Variants in KIF13A observed in about 807,000 individuals in gnomAD.
KIF13A encodes the protein kinesin family member 13A.
A neutral mutation model predicts 212.2 loss-of-function variants in KIF13A; 79 were observed. That is an observed-to-expected ratio of 0.37 (90% CI 0.31 to 0.45). KIF13A has a LOEUF of 0.45. Among genes scored for constraint, KIF13A ranks in the 20% least tolerant of loss-of-function variants. The pLI, the probability that KIF13A is intolerant of heterozygous loss-of-function variation, is 1.00. For synonymous variants in KIF13A, 789 were observed against 808.6 expected (o/e 0.98, Z 0.41); for missense variants, 1,901 against 2,209.0 (o/e 0.86, Z 2.79).
intron 2 of KIF13A, among the ~76,000 whole-genome samples, chr6:17,907,762 G>C (rs1451029854): frequency 6.6e-6 from 1 of 152,180 alleles, no homozygotes; most frequent in Non-Finnish European, 1.5e-5. Flanking sequence ...TCAGGGAATA[G>C]CAGGTAGACA....
intron 2 of KIF13A, among the ~76,000 whole-genome samples, chr6:17,906,383 C>T (rs889198932): frequency 2.7e-5 from 4 of 150,862 alleles, no homozygotes; most frequent in African/African-American, 7.3e-5. Context: ...TCCCTCCCTC[C>T]CTGCCTTCCT....
At chr6:17,761,779 T>C (rs9350058), downstream of KIF13A, among the ~76,000 whole-genome samples, 149,798 of 152,296 alleles carry the variant, frequency 0.98, 73,724 homozygotes, top group Middle Eastern at 1. Flanking sequence ...GGGAGGAACG[T>C]ACTATTCTGG....
chr6:17,912,950 A>G lies in KIF13A; in HGVS notation c.147-14770T>C, dbSNP rs973748432. Among the ~76,000 whole-genome samples the G allele has an allele frequency of 6.6e-6, 1 of 151,568 alleles. No individual in the cohort carries two copies. Among genetic ancestry groups the G allele is most frequent in the Admixed American group, 6.6e-5 (1 of 15,210 alleles). On this transcript the variant is annotated intron_variant, in intron 2 of 38. Transcript: ENST00000259711. This position sits in a 1 kb window ranked among gnomAD's most constrained non-coding sequence, Gnocchi z 4.2. ...TTATATCTAATCTTTTTATTTTTCT[A>G]ATTATTTTTATTTTTTATACGAGAT...
At chr6:17,953,238 A>G (rs1778034677) in intron 2 of KIF13A, among the ~76,000 whole-genome samples, 7 of 152,212 alleles carry the variant, frequency 4.6e-5, no homozygotes. Flanking sequence ...AGAACAGTTC[A>G]TATAGATGAT....
Position 17,939,969 on chromosome 6 carries a change from G to A in KIF13A, c.147-41789C>T, listed in dbSNP as rs536376515. Among the ~76,000 whole-genome samples the A allele has an allele frequency of 4.6e-4, 69 of 150,594 alleles. 1 individual carries two copies. The East Asian group carries it at 0.012, about 27-fold the overall frequency. ...GCAGGAGAATGGCGTGAACCTGGGA[G>A]GCGGAGCTTGCAGTGAGCCGAGATC... On this transcript the variant is annotated intron_variant, in intron 2 of 38. Coordinates refer to ENST00000259711, the MANE Select transcript of KIF13A (RefSeq NM_022113.6).
At chr6:17,958,181 C>T (rs1175034265) in intron 2 of KIF13A, among the ~76,000 whole-genome samples, 1 of 152,180 alleles carries the variant, frequency 6.6e-6, no homozygotes, top group Admixed American at 6.5e-5. Context: ...GTTTTACTCA[C>T]CAGCCATTCT....
Position 17,850,436 on chromosome 6 carries a change from C to G in KIF13A, c.604G>C (p.Glu202Gln), listed in dbSNP as rs1767526508. 6.2e-7 allele frequency: 1 copy of G among 1,613,454 alleles called. No individual in the cohort carries two copies. The highest frequency in any genetic ancestry group is 8.5e-7 in the Non-Finnish European group (1 of 1,179,642). Reference sequence around the variant, plus strand: ...GCTACCGTTCGAGACTTATTTCCCTCAGACATCAATGACTCAATATCCTAG... The same window carrying G: ...GCTACCGTTCGAGACTTATTTCCCTGAGACATCAATGACTCAATATCCTAG... ...SFEDIESLMSEGNKSRTVAAT... is the reference protein window; with the variant it reads ...SFEDIESLMSQGNKSRTVAAT... The change falls in exon 8 of 39, where the codon GAG (glutamate) becomes CAG (glutamine). Residue 202 changes from glutamate (E) to glutamine (Q), a missense_variant. Physicochemically the swap from Glu to Gln is conservative, Grantham distance 29. Around this residue, in one of 5 missense-constraint regions of KIF13A, gnomAD observed 506 missense variants for 637.4 expected, o/e 0.79. Coordinates refer to ENST00000259711, the MANE Select transcript of KIF13A (RefSeq NM_022113.6). This position sits in a 1 kb window ranked among gnomAD's most constrained non-coding sequence, Gnocchi z 6.2.
At chr6:17,921,549 T>C (rs1775071370) in intron 2 of KIF13A, among the ~76,000 whole-genome samples, 1 of 152,274 alleles carries the variant, frequency 6.6e-6, no homozygotes, top group Non-Finnish European at 1.5e-5. Flanking sequence ...CTGAGCTTTT[T>C]ATTCGCACTT....
At chr6:17,808,708 T>C in intron 18 of KIF13A, 60 bp downstream of exon 18, 5 of 1,496,692 alleles carry the variant, frequency 3.3e-6, no homozygotes. Flanking sequence ...CAGTTTTAGA[T>C]CCTATTTTAC....
chr6:17,928,084 T>C (rs1262016372), intron 2 of KIF13A, among the ~76,000 whole-genome samples: 2 of 152,214 alleles, frequency 1.3e-5, no homozygotes, highest in African/African-American at 4.8e-5. Context: ...GAAGACCTCC[T>C]GCAGAAATTT....
At chr6:17,975,250 G>A (rs72839139) in intron 2 of KIF13A, among the ~76,000 whole-genome samples, 2,007 of 152,310 alleles carry the variant, frequency 0.013, 18 homozygotes, top group Non-Finnish European at 0.018. Context: ...CTACTCGGAA[G>A]GCTCAGGCAG....
chr6:17,881,566 G>A (rs886941285), intron 3 of KIF13A: 6 of 401,320 alleles, frequency 1.5e-5, no homozygotes, highest in Non-Finnish European at 2.9e-5. Context: ...GTGCGGCAGT[G>A]CACGCCTGTA....
rs1777501713 is a variant in KIF13A, at chr6:17,947,430, CTAATAAT to C, written c.146+39617_146+39623del. ...TTATTTTAGCAAAATTTGATAATAC[CTAATAAT>C]TAAGGCTAGCTACTTTTCCTTTCAG... On this transcript the variant is annotated intron_variant, in intron 2 of 38. Transcript: ENST00000259711. This position sits in a 1 kb window ranked among gnomAD's most constrained non-coding sequence, Gnocchi z 4.6. 6.6e-6 allele frequency among the ~76,000 whole-genome samples: 1 copy of C among 151,966 alleles called. No individual in the cohort carries two copies. The highest frequency in any genetic ancestry group is 6.6e-5 in the Admixed American group (1 of 15,250).
Position 17,837,490 on chromosome 6 carries a change from G to A in KIF13A, c.924C>T (p.Val308=). 1 of 1,605,724 alleles carries A rather than the reference G, an allele frequency of 6.2e-7. No homozygotes were observed. The highest frequency in any genetic ancestry group is 8.5e-7 in the Non-Finnish European group (1 of 1,175,664). ...GGATTACCTTAAGCAGCCAAGTGAGGACTGAATCTCGATAAGGCACAAATT... is the reference window on the plus strand; with the variant it reads ...GGATTACCTTAAGCAGCCAAGTGAGAACTGAATCTCGATAAGGCACAAATT... ...KSKFVPYRDS[V]LTWLLKDNLG... is the part of the protein sequence containing the mutation. Residue 308 remains valine (V), a synonymous_variant, in exon 10 of 39, where the codon GTC becomes GTT. Coordinates refer to ENST00000259711, the MANE Select transcript of KIF13A (RefSeq NM_022113.6). The surrounding 1 kb of genome is among the most constrained non-coding windows in gnomAD (Gnocchi z 5.4).
Position 17,799,097 on chromosome 6 carries a change from T to C in KIF13A, c.2790+169A>G, listed in dbSNP as rs1017424624. On this transcript the variant is annotated intron_variant, in intron 22 of 38. Transcript: ENST00000259711. This position sits in a 1 kb window ranked among gnomAD's most constrained non-coding sequence, Gnocchi z 4.4. ...GTTGGTAGAGATCTTTTAGATTTTA[T>C]TTTAAATATTTCTAAACTATTTGCA... 3.9e-5 allele frequency among the ~76,000 whole-genome samples: 6 copies of C among 152,246 alleles called. No homozygotes were observed. The highest frequency in any genetic ancestry group is 1.4e-4 in the African/African-American group (6 of 41,466).
chr6:17,890,087 C>CT (rs1771906063), intron 3 of KIF13A, among the ~76,000 whole-genome samples: 4 of 151,018 alleles, frequency 2.6e-5, no homozygotes, highest in Admixed American at 2.6e-4. Flanking sequence ...ACTCAGGAGG[C>CT]TGAGGCAGGA....
At chr6:17,910,094 G>C (rs4716200) in intron 2 of KIF13A, among the ~76,000 whole-genome samples, 79,599 of 152,058 alleles carry the variant, frequency 0.52, 22,054 homozygotes, top group Non-Finnish European at 0.62. Flanking sequence ...GTACAATACA[G>C]CTCCATGACA....
chr6:17,855,468 C>G lies in KIF13A; in HGVS notation c.463G>C (p.Glu155Gln). 1 of 1,612,732 alleles carries G rather than the reference C, an allele frequency of 6.2e-7. No homozygotes were observed. Among genetic ancestry groups the G allele is most frequent in the Non-Finnish European group, 8.5e-7 (1 of 1,179,516 alleles). The part of the protein sequence containing the change: ...VEVSYMEIYN[E>Q]KVRDLLDPKG... ...GGGTCTAAAAGATCCCGAACTTTCT[C>G]ATTATAAATTTCCATATAGGACACT... is the stretch of plus-strand genomic sequence containing the variant. The change falls in exon 6 of 39, where the codon GAG becomes CAG. Residue 155 changes from glutamate (E) to glutamine (Q), a missense_variant. Glu to Gln is a conservative substitution (Grantham distance 29). This residue lies in a region of KIF13A where 506 missense variants were observed against 637.4 expected (regional missense o/e 0.79). Transcript: ENST00000259711. This position sits in a 1 kb window ranked among gnomAD's most constrained non-coding sequence, Gnocchi z 4.1.
At chr6:17,805,437 A>G in intron 19 of KIF13A, 38 bp downstream of exon 19, 1 of 1,586,604 alleles carries the variant, frequency 6.3e-7, no homozygotes, top group East Asian at 2.2e-5. Flanking sequence ...CTCTGTTTTT[A>G]ACATAACAAA....
Sources: gnomAD v4.1 joint callset for allele counts (sites outside exome capture counted in the v4.1 genomes callset) on GRCh38, gnomAD v4.1.1 for gene constraint, gnomAD v4.1.1 regional missense constraint, Gnocchi (gnomAD v3.1) non-coding constraint, MANE v1.5 for transcripts, NCBI Gene and HGNC (gene_info 2026-07-23, HGNC 2026-07-21) for gene names.